NPAS3: variants seen among roughly 807,000 people sequenced by gnomAD.
NPAS3 encodes neuronal PAS domain-containing protein 3.
Under a neutral mutation model 73.1 loss-of-function variants are expected in NPAS3, and 14 were observed. That is an observed-to-expected ratio of 0.19 (90% CI 0.13 to 0.30). The LOEUF (loss-of-function observed/expected upper bound fraction) is 0.30, where lower values mean the gene tolerates loss of function less well. NPAS3 is among the 10% of genes least tolerant of loss of function. The pLI is 1.00. For missense variants in NPAS3, 1,096 were observed against 1,250.0 expected (o/e 0.88, Z 1.86); for synonymous variants, 620 against 541.5 (o/e 1.14, Z -2.01).
At chr14:33,169,193 A>C (rs2045291502) in intron 2 of NPAS3, among the ~76,000 whole-genome samples, 1 of 152,200 alleles carries the variant, frequency 6.6e-6, no homozygotes, top group South Asian at 2.1e-4. Context: ...CATTTTGTTC[A>C]CTGCCATGTG....
intron 2 of NPAS3, among the ~76,000 whole-genome samples, chr14:33,088,445 A>G (rs1235286432): frequency 3.3e-5 from 5 of 152,356 alleles, no homozygotes; most frequent in African/African-American, 7.2e-5. Context: ...TATTGCTGGC[A>G]CAGCAGTCTG....
intron 4 of NPAS3, among the ~76,000 whole-genome samples, chr14:33,522,654 T>C (rs2053608500): frequency 6.6e-6 from 1 of 151,962 alleles, no homozygotes; most frequent in African/African-American, 2.4e-5. Context: ...TTTAAGACTG[T>C]GTTAATTGTC....
intron 1 of NPAS3, among the ~76,000 whole-genome samples, chr14:32,978,252 G>T (rs542793261): frequency 6.6e-6 from 1 of 152,146 alleles, no homozygotes; most frequent in Non-Finnish European, 1.5e-5. Context: ...GTGACTGGAG[G>T]GTTGGCTCAT....
chr14:33,055,052 C>T (rs771904477), intron 1 of NPAS3, among the ~76,000 whole-genome samples: 2 of 152,064 alleles, frequency 1.3e-5, no homozygotes, highest in African/African-American at 2.4e-5. Flanking sequence ...GATTGGTACT[C>T]GTACTGATAT....
intron 3 of NPAS3, among the ~76,000 whole-genome samples, chr14:33,296,429 G>T (rs375762456): frequency 2.0e-4 from 30 of 152,260 alleles, no homozygotes; most frequent in African/African-American, 7.2e-4. Context: ...ATTCTTCCAT[G>T]CCTATCTATC....
chr14:33,663,510 T>C (rs2059368168), intron 5 of NPAS3, among the ~76,000 whole-genome samples: 1 of 152,154 alleles, frequency 6.6e-6, no homozygotes, highest in Admixed American at 6.5e-5. Context: ...TCATCAGGGA[T>C]ATTGGCCTGA....
intron 1 of NPAS3, among the ~76,000 whole-genome samples, chr14:32,945,958 A>C (rs910663198): frequency 6.6e-6 from 1 of 152,186 alleles, no homozygotes; most frequent in Admixed American, 6.5e-5. Context: ...TCTTCTGCTC[A>C]TATAATTCAT....
At chr14:33,556,520 C>T (rs2055363963) in intron 4 of NPAS3, among the ~76,000 whole-genome samples, 1 of 152,178 alleles carries the variant, frequency 6.6e-6, no homozygotes, top group African/African-American at 2.4e-5. Context: ...TTTCATAAAT[C>T]TTGATTGAGT....
chr14:33,784,753 T>A lies in NPAS3; in HGVS notation c.1153+6181T>A, dbSNP rs201301616. 7.4e-3 allele frequency among the ~76,000 whole-genome samples: 519 copies of A among 70,504 alleles called. 17 individuals carry two copies. The highest frequency in any genetic ancestry group is 0.022 in the African/African-American group (487 of 22,006). The allele number at this position is 70,504 out of a possible 152,430, so 46.3% of individuals were successfully genotyped here. ...TATTTATTTATTTATTTATTTTTTTTTTTTTTTTTTTTTTGAGACAGAGTT... is the reference window on the plus strand; with the variant it reads ...TATTTATTTATTTATTTATTTTTTTATTTTTTTTTTTTTTGAGACAGAGTT... On this transcript the variant is annotated intron_variant, in intron 9 of 11. Coordinates refer to ENST00000356141, the Ensembl canonical transcript of NPAS3.
intron 3 of NPAS3, among the ~76,000 whole-genome samples, chr14:33,245,328 A>G (rs188061197): frequency 6.6e-6 from 1 of 152,294 alleles, no homozygotes; most frequent in East Asian, 1.9e-4. Flanking sequence ...TTCATGGATT[A>G]TCTCATCTAA....
At chr14:33,235,870 C>G (rs950157508) in intron 3 of NPAS3, among the ~76,000 whole-genome samples, 1 of 123,798 alleles carries the variant, frequency 8.1e-6, no homozygotes, top group Non-Finnish European at 1.6e-5. Flanking sequence ...TTCACGGCAA[C>G]CTTGAACTCC....
At chr14:33,403,283 A>G (rs1352915594) in intron 4 of NPAS3, among the ~76,000 whole-genome samples, 1 of 152,094 alleles carries the variant, frequency 6.6e-6, no homozygotes, top group Non-Finnish European at 1.5e-5. Flanking sequence ...GTGGTAGGTA[A>G]ATAGGCATTA....
chr14:33,335,014 G>C (rs2044152586), intron 3 of NPAS3, among the ~76,000 whole-genome samples: 1 of 143,936 alleles, frequency 6.9e-6, no homozygotes, highest in South Asian at 2.2e-4. Context: ...TCTTGCTATG[G>C]CTTAGTGGTA....
intron 5 of NPAS3, among the ~76,000 whole-genome samples, chr14:33,656,720 A>G (rs1251844929): frequency 6.6e-6 from 1 of 152,142 alleles, no homozygotes; most frequent in Non-Finnish European, 1.5e-5. Context: ...TGGTGGTGAG[A>G]GCACTTAAGA....
intron 3 of NPAS3, among the ~76,000 whole-genome samples, chr14:33,321,475 C>T (rs984024726): frequency 1.3e-5 from 2 of 151,646 alleles, no homozygotes; most frequent in South Asian, 4.2e-4. Context: ...ACAATGTGGC[C>T]CTTATATTCT....
intron 3 of NPAS3, among the ~76,000 whole-genome samples, chr14:33,241,644 G>A (rs1750301098): frequency 6.6e-6 from 1 of 151,930 alleles, no homozygotes; most frequent in African/African-American, 2.4e-5. Flanking sequence ...CGAGACAAAT[G>A]GAACATTATT....
chr14:33,125,858 C>T (rs2139070607), intron 2 of NPAS3, among the ~76,000 whole-genome samples: 1 of 152,246 alleles, frequency 6.6e-6, no homozygotes, highest in Non-Finnish European at 1.5e-5. Context: ...AGACTAGTTA[C>T]TTTTCATAAA....
chr14:32,955,176 A>G (rs1026703258), intron 1 of NPAS3, among the ~76,000 whole-genome samples: 3 of 152,142 alleles, frequency 2.0e-5, no homozygotes, highest in African/African-American at 7.2e-5. Flanking sequence ...CCTGCAATCA[A>G]TGTCCAATGA....
At chr14:33,762,485 G>C (rs985237443) in intron 7 of NPAS3, among the ~76,000 whole-genome samples, 1 of 152,200 alleles carries the variant, frequency 6.6e-6, no homozygotes, top group Non-Finnish European at 1.5e-5. Context: ...TTATAGTGTG[G>C]TGGTTTCAAT....
Sources: allele counts gnomAD v4.1 joint callset (sites outside exome capture counted in the v4.1 genomes callset), GRCh38; gene constraint gnomAD v4.1.1; transcripts MANE v1.5; gene names NCBI Gene and HGNC (gene_info 2026-07-23, HGNC 2026-07-21).